The following FANCC variants were observed in gnomAD, a reference collection of about 807,000 sequenced individuals.
FANCC encodes the protein Fanconi anemia group C protein.
A neutral mutation model predicts 71.3 loss-of-function variants in FANCC; 55 were observed. That is an observed-to-expected ratio of 0.77 (90% CI 0.62 to 0.97). The LOEUF is 0.97. FANCC is among the 50% of genes least tolerant of loss of function. The probability of loss-of-function intolerance (pLI) is 0.00; values close to 1 mark genes in which losing one functional copy is unlikely to be tolerated. For missense variants in FANCC, 678 were observed against 670.9 expected (o/e 1.01, Z -0.12); for synonymous variants, 275 against 244.9 (o/e 1.12, Z -1.15).
chr9:95,268,416 T>A (rs181929820), intron 1 of FANCC, among the ~76,000 whole-genome samples: 22 of 152,366 alleles, frequency 1.4e-4, no homozygotes, highest in Non-Finnish European at 2.4e-4. Flanking sequence ...GCTAAGTTAC[T>A]ACTAGCTGCT....
At chr9:95,210,530 A>C (rs906113468) in intron 4 of FANCC, among the ~76,000 whole-genome samples, 1 of 152,194 alleles carries the variant, frequency 6.6e-6, no homozygotes, top group Non-Finnish European at 1.5e-5. Context: ...ACACACACAC[A>C]TACACATACA....
At chr9:95,291,967 A>AAAAAAAATATAT (rs1441757988) in intron 1 of FANCC, among the ~76,000 whole-genome samples, 3 of 50,410 alleles carry the variant, frequency 6.0e-5, no homozygotes, top group Non-Finnish European at 6.8e-5. Context: ...AAAAAAAAAA[A>AAAAAAAATATAT]ATATATATAT....
intron 8 of FANCC, among the ~76,000 whole-genome samples, chr9:95,129,894 C>T (rs1335499753): frequency 6.6e-6 from 1 of 152,174 alleles, no homozygotes; most frequent in Non-Finnish European, 1.5e-5. Context: ...TGTGCATCCC[C>T]TTGGGCTAAC....
At chr9:95,285,748 T>C (rs562488981) in intron 1 of FANCC, among the ~76,000 whole-genome samples, 2 of 152,258 alleles carry the variant, frequency 1.3e-5, no homozygotes, top group African/African-American at 4.8e-5. Flanking sequence ...GGTAATGTAA[T>C]TGGTCCAAGT....
At chr9:95,180,848 C>A (rs144507229) in intron 4 of FANCC, among the ~76,000 whole-genome samples, 146 of 152,160 alleles carry the variant, frequency 9.6e-4, no homozygotes, top group African/African-American at 3.2e-3. Context: ...TGTTATACTA[C>A]ATTATAACAC....
intron 12 of FANCC, 120 bp downstream of exon 12, chr9:95,114,509 C>G: frequency 1.1e-6 from 1 of 909,534 alleles, no homozygotes; most frequent in Non-Finnish European, 1.8e-6. Context: ...TGGTGCTCAC[C>G]TGTTTGGTGA....
At chr9:95,229,888 T>C (rs921555812) in intron 4 of FANCC, among the ~76,000 whole-genome samples, 2 of 152,124 alleles carry the variant, frequency 1.3e-5, no homozygotes, top group African/African-American at 4.8e-5. Context: ...GTCTTACCTT[T>C]TAGAAAAAGA....
chr9:95,199,602 TGTGCCCAGCACAGCACAGACA>T (rs1172759231), intron 4 of FANCC, among the ~76,000 whole-genome samples: 1 of 152,184 alleles, frequency 6.6e-6, no homozygotes, highest in Non-Finnish European at 1.5e-5. Flanking sequence ...AGCACCACTG[TGTGCCCAGCACAGCACAGACA>T]GTGCCCAGCG....
chr9:95,117,378 G>C lies in FANCC; in HGVS notation c.1009C>G (p.Leu337Val), dbSNP rs587779899. The C allele has an allele frequency of 2.5e-6, 4 of 1,613,870 alleles. No homozygotes were observed. The South Asian group carries it at 4.4e-5, about 18-fold the overall frequency. Residue 337 changes from leucine to valine, a missense_variant, in exon 11 of 15, where the codon CTC (leucine) becomes GTC (valine). Transcript: ENST00000289081. ...GAAGTGTAAGGAAAGTAGGTCTTGA[G>C]TGCAAACCGCAGCTGCCACAGGATG... ...EKASKQLRFA[L>V]KTYFPYTSPS...
intron 1 of FANCC, among the ~76,000 whole-genome samples, chr9:95,290,201 T>G (rs1833923692): frequency 1.3e-5 from 2 of 152,136 alleles, no homozygotes. Context: ...TTAGAAGTGA[T>G]AAGGGAGCTT....
intron 1 of FANCC, among the ~76,000 whole-genome samples, chr9:95,273,098 A>C (rs1832829660): frequency 1.3e-5 from 2 of 152,226 alleles, no homozygotes; most frequent in South Asian, 2.1e-4. Context: ...ATCAATAAAG[A>C]AGCAGAAAAC....
intron 13 of FANCC, among the ~76,000 whole-genome samples, chr9:95,108,430 A>G (rs1367572851): frequency 1.3e-5 from 2 of 152,174 alleles, no homozygotes; most frequent in East Asian, 1.9e-4. Context: ...CTATGCCTTT[A>G]TATCTGTTTT....
intron 1 of FANCC, among the ~76,000 whole-genome samples, chr9:95,268,275 C>T (rs1405683579): frequency 6.6e-6 from 1 of 152,246 alleles, no homozygotes; most frequent in South Asian, 2.1e-4. Context: ...ACTTCTCCAG[C>T]ATCACCAAAT....
chr9:95,239,561 A>T (rs569556201), intron 4 of FANCC, among the ~76,000 whole-genome samples: 1 of 152,364 alleles, frequency 6.6e-6, no homozygotes, highest in East Asian at 1.9e-4. Flanking sequence ...AATTAAAAAA[A>T]TTAAGGACTA....
In FANCC at chr9:95,121,187, G is replaced by A. The variant is rs2072849149; in HGVS notation, c.997-3797C>T. Among the ~76,000 whole-genome samples, 8 of 152,222 alleles carry A rather than the reference G, an allele frequency of 5.3e-5. No individual in the cohort carries two copies. The South Asian group carries it at 1.7e-3, about 32-fold the overall frequency. ...CTCATTACCAGATGCTGTCATGGCT[G>A]CAACCAGAAACTGACCTGACTGGCT... On this transcript the variant is annotated intron_variant, in intron 10 of 14. Coordinates refer to ENST00000289081, the MANE Select transcript of FANCC (RefSeq NM_000136.3).
chr9:95,268,379 G>A (rs2136204040), intron 1 of FANCC, among the ~76,000 whole-genome samples: 1 of 152,308 alleles, frequency 6.6e-6, no homozygotes, highest in East Asian at 1.9e-4. Context: ...TAAAGCAATG[G>A]GCTCCTGCCA....
At chr9:95,298,461 A>T (rs1037405748) in intron 1 of FANCC, among the ~76,000 whole-genome samples, 1 of 152,310 alleles carries the variant, frequency 6.6e-6, no homozygotes, top group Admixed American at 6.5e-5. Context: ...TGAGCTGAAG[A>T]CATAGATGTA....
chr9:95,298,132 G>C (rs1405333805), intron 1 of FANCC, among the ~76,000 whole-genome samples: 1 of 152,076 alleles, frequency 6.6e-6, no homozygotes, highest in Non-Finnish European at 1.5e-5. Flanking sequence ...CTGAGGCCTA[G>C]TCTAGTCACA....
chr9:95,172,083 C>A lies in FANCC; in HGVS notation c.410G>T (p.Gly137Val), dbSNP rs1259422663. 1 of 1,613,302 alleles carries A rather than the reference C, an allele frequency of 6.2e-7. No individual in the cohort carries two copies. Among genetic ancestry groups the A allele is most frequent in the Admixed American group, 1.7e-5 (1 of 60,018 alleles). ...GTAATCTATAGGTGCATACCCAAGA[C>A]CTTGAGTGAAAAGAGCAACTTCTTT... ...FDKEVALFTQ[G>V]LGYAPIDYYP... Residue 137 changes from glycine to valine, a missense_variant, in exon 5 of 15, where the codon GGT becomes GTT. Coordinates refer to ENST00000289081, the MANE Select transcript of FANCC (RefSeq NM_000136.3).
Sources: gnomAD v4.1 joint callset for allele counts (sites outside exome capture counted in the v4.1 genomes callset) on GRCh38, gnomAD v4.1.1 for gene constraint, MANE v1.5 for transcripts, NCBI Gene and HGNC (gene_info 2026-07-23, HGNC 2026-07-21) for gene names.